The following SYT14 variants were observed in gnomAD, a reference collection of about 807,000 sequenced individuals.
SYT14 encodes the protein synaptotagmin-14.
In SYT14, 32 loss-of-function variants were observed where a neutral mutation model predicts 74.2. That is an observed-to-expected ratio of 0.43 (90% CI 0.33 to 0.58). The LOEUF (loss-of-function observed/expected upper bound fraction) is 0.58, where lower values mean the gene tolerates loss of function less well. SYT14 is among the 20% of genes least tolerant of loss of function. The pLI is 0.05. For synonymous variants in SYT14, 298 were observed against 337.7 expected, an observed-to-expected ratio of 0.88 and a Z score of 1.29; for missense variants, 791 against 981.8, an observed-to-expected ratio of 0.81 and a Z score of 2.60.
At chr1:210,056,137 C>G (rs369600164) in intron 5 of SYT14, among the ~76,000 whole-genome samples, 26 of 152,038 alleles carry the variant, frequency 1.7e-4, no homozygotes, top group African/African-American at 6.3e-4. Flanking sequence ...AGTTTATGTT[C>G]TTTAAAGTAC....
At chr1:210,019,494 GTTTAAT>G (rs2080260091) in intron 4 of SYT14, among the ~76,000 whole-genome samples, 2 of 151,718 alleles carry the variant, frequency 1.3e-5, no homozygotes, top group African/African-American at 2.4e-5. Flanking sequence ...TTTAATTTCT[GTTTAAT>G]TTTAATTAGT....
At chr1:210,080,850 G>T (rs946227707) in intron 5 of SYT14, among the ~76,000 whole-genome samples, 1 of 152,210 alleles carries the variant, frequency 6.6e-6, no homozygotes, top group Non-Finnish European at 1.5e-5. Context: ...TGTGTTTGGG[G>T]AGAGCGTGGT....
intron 1 of SYT14, among the ~76,000 whole-genome samples, chr1:209,942,333 C>T (rs901402669): frequency 1.3e-5 from 2 of 149,538 alleles, no homozygotes; most frequent in Non-Finnish European, 3.0e-5. Context: ...TCATCACAGC[C>T]ACCAAATCCA....
At chr1:209,950,533 A>T (rs1386115276) in intron 1 of SYT14, among the ~76,000 whole-genome samples, 1 of 152,154 alleles carries the variant, frequency 6.6e-6, no homozygotes, top group African/African-American at 2.4e-5. Flanking sequence ...ATTTATAACC[A>T]TAGTTTTAAG....
chr1:210,038,667 C>T lies in SYT14; in HGVS notation c.1312+17413C>T, dbSNP rs1026956931. Among the ~76,000 whole-genome samples, 12 of 152,218 alleles carry T rather than the reference C, an allele frequency of 7.9e-5. No individual in the cohort carries two copies. In the East Asian group the frequency reaches 1.9e-3, roughly 25 times the overall value. On this transcript the variant is annotated intron_variant, in intron 5 of 9. Coordinates refer to ENST00000637265, the Ensembl canonical transcript of SYT14. ...CTGTTTGGGAAAGACTATTCTCTTT[C>T]ATTTATGAAGCTTATACTAGTAAAA... is the stretch of plus-strand genomic sequence containing the variant.
rs1249412738 is a variant in SYT14 at position 210,103,564 on chromosome 1, AAAAAG to A, written c.2034+3105_2034+3109del. 1.2e-3 allele frequency among the ~76,000 whole-genome samples: 178 copies of A among 151,622 alleles called. 3 individuals carry two copies. The highest frequency in any genetic ancestry group is 2.2e-3 in the Non-Finnish European group (147 of 67,858). ...GACTCTGTCTCAAAAAAAAAAAAAA[AAAAAG>A]AGTTTAACATTAAGATATAGTTTGA... is the stretch of plus-strand genomic sequence containing the variant. On this transcript the variant is annotated intron_variant, in intron 7 of 9. Coordinates refer to ENST00000637265, the Ensembl canonical transcript of SYT14.
chr1:209,951,713 A>G (rs865875448), intron 1 of SYT14, among the ~76,000 whole-genome samples: 26 of 152,236 alleles, frequency 1.7e-4, no homozygotes, highest in Admixed American at 7.2e-4. Flanking sequence ...CCAAATGTTT[A>G]TGAACAATAG....
At chr1:210,134,750 C>T (rs1162579362) in intron 7 of SYT14, among the ~76,000 whole-genome samples, 1 of 152,190 alleles carries the variant, frequency 6.6e-6, no homozygotes, top group Non-Finnish European at 1.5e-5. Context: ...AAGCTAGGAG[C>T]CATAACCTCA....
At chr1:210,115,441 T>G (rs2082340801) in intron 7 of SYT14, among the ~76,000 whole-genome samples, 1 of 151,304 alleles carries the variant, frequency 6.6e-6, no homozygotes, top group African/African-American at 2.5e-5. Flanking sequence ...ATCAGACACC[T>G]CTGAAACATG....
At chr1:210,074,851 C>T (rs1363802136) in intron 5 of SYT14, among the ~76,000 whole-genome samples, 1 of 152,178 alleles carries the variant, frequency 6.6e-6, no homozygotes, top group Non-Finnish European at 1.5e-5. Context: ...CCCCAGTGGG[C>T]ATGTGTTACA....
intron 1 of SYT14, among the ~76,000 whole-genome samples, chr1:209,952,457 G>C (rs2078927657): frequency 6.6e-6 from 1 of 152,156 alleles, no homozygotes; most frequent in African/African-American, 2.4e-5. Flanking sequence ...CTGCTGTTGA[G>C]AAGCTTGCCA....
At chr1:210,103,980 C>G (rs1289411108) in intron 7 of SYT14, among the ~76,000 whole-genome samples, 1 of 152,212 alleles carries the variant, frequency 6.6e-6, no homozygotes, top group Non-Finnish European at 1.5e-5. Flanking sequence ...TTCCCCGTCT[C>G]ACTGGTAGAT....
chr1:210,119,343 G>T (rs960565951), intron 7 of SYT14, among the ~76,000 whole-genome samples: 1 of 152,284 alleles, frequency 6.6e-6, no homozygotes, highest in South Asian at 2.1e-4. Flanking sequence ...GAAAACTTGA[G>T]ATTTAATTTA....
At position 210,159,478 on chromosome 1, in the gene SYT14, G is replaced by A. The variant is rs2083331636; in HGVS notation, c.2281+1G>A. 1.3e-6 allele frequency: 2 copies of A among 1,551,364 alleles called. No homozygotes were observed. The highest frequency in any genetic ancestry group is 1.2e-5 in the South Asian group (1 of 84,048). On this transcript the variant is annotated splice_donor_variant, in intron 9 of 9. Transcript: ENST00000637265. LOFTEE classifies it high-confidence loss of function. The stretch of plus-strand genomic sequence containing the variant: ...GGTGGACAGGTTTATATAATCCGAG[G>A]TGAGTTCCTGTAGAGGCTAATTGGA...
chr1:210,143,789 T>C (rs1419673745), intron 7 of SYT14, among the ~76,000 whole-genome samples: 1 of 152,180 alleles, frequency 6.6e-6, no homozygotes, highest in Non-Finnish European at 1.5e-5. Flanking sequence ...TTATTTCAAA[T>C]GAAATATTAT....
At chr1:210,055,152 C>G (rs996981710) in intron 5 of SYT14, among the ~76,000 whole-genome samples, 7 of 152,124 alleles carry the variant, frequency 4.6e-5, no homozygotes, top group Non-Finnish European at 7.4e-5. Context: ...GATGAATAAG[C>G]TGTGGAAAAA....
intron 1 of SYT14, among the ~76,000 whole-genome samples, chr1:209,951,189 G>C (rs758518199): frequency 6.6e-6 from 1 of 152,106 alleles, no homozygotes; most frequent in South Asian, 2.1e-4. Flanking sequence ...ATTAATAACT[G>C]TAGTCACCAT....
At chr1:209,983,298 C>T (rs1029046755) in intron 2 of SYT14, among the ~76,000 whole-genome samples, 1 of 151,858 alleles carries the variant, frequency 6.6e-6, no homozygotes, top group Non-Finnish European at 1.5e-5. Flanking sequence ...TGATATTGTT[C>T]TGCCTTTTTC....
At chr1:210,170,044 A>G (rs1473092903) in exon 10 of SYT14, 1 of 151,312 alleles carries the variant, frequency 6.6e-6, no homozygotes, top group East Asian at 1.9e-4. Context: ...TTTCTTACTT[A>G]TTTTTCTAAT....
Sources: gnomAD v4.1 joint callset for allele counts (sites outside exome capture counted in the v4.1 genomes callset) on GRCh38, gnomAD v4.1.1 for gene constraint, MANE v1.5 for transcripts, NCBI Gene and HGNC (gene_info 2026-07-23, HGNC 2026-07-21) for gene names.